Variants in SLC37A1 observed in about 807,000 individuals in gnomAD.
SLC37A1 encodes the protein solute carrier family 37 member 1.
In SLC37A1, 49 loss-of-function variants were observed where a neutral mutation model predicts 75.3. The ratio of observed to expected loss-of-function variants is 0.65; its 90% CI spans 0.52 to 0.83. The LOEUF (loss-of-function observed/expected upper bound fraction) is 0.83. SLC37A1 is among the 40% of genes least tolerant of loss of function. SLC37A1 has a pLI of 0.00. For missense variants in SLC37A1, 566 were observed against 695.0 expected (o/e 0.81, Z 2.09); for synonymous variants, 268 against 292.1 (o/e 0.92, Z 0.84).
At chr21:42,546,034 A>G (rs228079) in intron 8 of SLC37A1, among the ~76,000 whole-genome samples, 89,148 of 152,130 alleles carry the variant, frequency 0.59, 26,694 homozygotes, top group Admixed American at 0.7. Flanking sequence ...CCTGTGTTGT[A>G]TGGGAATGGA....
chr21:42,513,769 G>A (rs917680116), upstream of SLC37A1: 1 of 146,600 alleles, frequency 6.8e-6, no homozygotes, highest in Non-Finnish European at 1.5e-5. Context: ...GGCCGGGGAG[G>A]GGGAGGAGCC....
intron 4 of SLC37A1, among the ~76,000 whole-genome samples, 193 bp from the exon 5 acceptor site, chr21:42,535,279 A>G (rs933874513): frequency 1.3e-5 from 2 of 152,228 alleles, no homozygotes; most frequent in Non-Finnish European, 2.9e-5. Flanking sequence ...ATTATTTGAA[A>G]CTGCGGTGAC....
intron 1 of SLC37A1, among the ~76,000 whole-genome samples, chr21:42,500,826 T>A (rs914398916): frequency 2.0e-5 from 3 of 152,226 alleles, no homozygotes; most frequent in African/African-American, 7.2e-5. Flanking sequence ...AGTAGGTATT[T>A]GAACTGTTTG....
Position 42,547,944 on chromosome 21 carries a change from C to T in SLC37A1, c.768+804C>T, listed in dbSNP as rs1423176520. Among the ~76,000 whole-genome samples the T allele has an allele frequency of 6.6e-6, 1 of 152,152 alleles. No homozygotes were observed. Among genetic ancestry groups the T allele is most frequent in the Non-Finnish European group, 1.5e-5 (1 of 68,014 alleles). ...GGAACAGCCCATCAGATCCCAGCAACGTCACCCGGACACATAGGGTGGTCA... is the reference window on the plus strand; with the variant it reads ...GGAACAGCCCATCAGATCCCAGCAATGTCACCCGGACACATAGGGTGGTCA... On this transcript the variant is annotated intron_variant, in intron 9 of 19. Transcript: ENST00000352133. This position sits in a 1 kb window ranked among gnomAD's most constrained non-coding sequence, Gnocchi z 6.1.
At chr21:42,550,291 CA>C (rs2055525340) in intron 9 of SLC37A1, among the ~76,000 whole-genome samples, 1 of 152,204 alleles carries the variant, frequency 6.6e-6, no homozygotes, top group Non-Finnish European at 1.5e-5. Flanking sequence ...GCATTTCTGC[CA>C]CATTTACTGA....
At chr21:42,575,985 A>G (rs1358856897) in intron 18 of SLC37A1, 2 of 978,452 alleles carry the variant, frequency 2.0e-6, no homozygotes, top group Non-Finnish European at 2.4e-6. Context: ...CTTTAGAACT[A>G]TCTGGTAATA....
chr21:42,566,574 A>ACC (rs139911697), intron 15 of SLC37A1, among the ~76,000 whole-genome samples: 2 of 151,760 alleles, frequency 1.3e-5, no homozygotes, highest in African/African-American at 4.8e-5. Flanking sequence ...ATTTCCTGTG[A>ACC]CCCCCCCTCA....
chr21:42,539,706 G>T, intron 6 of SLC37A1, 59 bp downstream of exon 6: 1 of 1,546,000 alleles, frequency 6.5e-7, no homozygotes, highest in East Asian at 2.4e-5. Flanking sequence ...ATAGGGTGGA[G>T]TGTTTATGTC....
chr21:42,535,611 A>G (rs892299093), intron 5 of SLC37A1, 61 bp downstream of exon 5: 1 of 1,455,794 alleles, frequency 6.9e-7, no homozygotes, highest in Non-Finnish European at 9.6e-7. Context: ...TGCAGAGAAG[A>G]CATCCGCTAT....
intron 11 of SLC37A1, chr21:42,561,830 C>T: frequency 2.1e-6 from 1 of 467,820 alleles, no homozygotes; most frequent in Non-Finnish European, 3.8e-6. Context: ...CAGCTGGGGC[C>T]CCACCCTTCT....
intron 8 of SLC37A1, 84 bp downstream of exon 8, chr21:42,543,686 G>C: frequency 7.1e-7 from 1 of 1,401,956 alleles, no homozygotes. Flanking sequence ...GCGAGTGTGA[G>C]AGCTGCGTGG....
rs200383170 is a variant in SLC37A1 at position 42,579,813 on chromosome 21, C to G, written c.1586+13C>G. 7.4e-6 allele frequency: 12 copies of G among 1,613,752 alleles called. No individual in the cohort carries two copies. The Admixed American group carries it at 2.0e-4, about 27-fold the overall frequency. On this transcript the variant is annotated intron_variant, in intron 19 of 19. Transcript: ENST00000352133. ...GGGACCAAGTTCCGTAAGTCCCACT[C>G]GGGCCCTGTCTCCGTGCGTGAAAGC...
At chr21:42,551,799 G>GT (rs944915744) in intron 9 of SLC37A1, among the ~76,000 whole-genome samples, 15 of 148,092 alleles carry the variant, frequency 1.0e-4, no homozygotes, top group Non-Finnish European at 1.8e-4. Flanking sequence ...GACCTCAATG[G>GT]TTTTTTTTGT....
Position 42,579,869 on chromosome 21 carries a change from C to T in SLC37A1, c.1586+69C>T, listed in dbSNP as rs1288233773. 9.4e-6 allele frequency: 14 copies of T among 1,482,246 alleles called. No individual in the cohort carries two copies. The Middle Eastern group carries it at 5.2e-4, about 55-fold the overall frequency. 91.8% of individuals were successfully genotyped at this position (1,482,246 alleles called of 1,614,324 possible). ...CCAAAGTGCCTTCTGTCCTATCTGC[C>T]TTCTGCACCTGGCTTTCCTGAAAGA... is the stretch of plus-strand genomic sequence containing the variant. On this transcript the variant is annotated intron_variant, in intron 19 of 19. Coordinates refer to ENST00000352133, the MANE Select transcript of SLC37A1 (RefSeq NM_001320537.2).
chr21:42,543,991 CA>C (rs2055348521), intron 8 of SLC37A1, among the ~76,000 whole-genome samples: 1 of 152,216 alleles, frequency 6.6e-6, no homozygotes, highest in Admixed American at 6.5e-5. Flanking sequence ...ATATCTTGGA[CA>C]GTGTTATAAA....
intron 13 of SLC37A1, 144 bp downstream of exon 13, chr21:42,564,021 C>G (rs1377760807): frequency 4.8e-6 from 4 of 826,672 alleles, no homozygotes; most frequent in South Asian, 1.6e-5. Flanking sequence ...CAGGCCGTCA[C>G]CTGGGGGTGG....
In SLC37A1 at chr21:42,514,735, A is replaced by T. The variant is rs2054489523; in HGVS notation, c.-179+18A>T. 6.6e-6 allele frequency: 1 copy of T among 152,028 alleles called. No homozygotes were observed. Among genetic ancestry groups the T allele is most frequent in the Non-Finnish European group, 1.5e-5 (1 of 68,018 alleles). 9.4% of individuals were successfully genotyped at this position (152,028 alleles called of 1,614,324 possible). A position where few individuals can be genotyped will look rare whatever the true frequency, so the allele number is the denominator to read the frequency against. On this transcript the variant is annotated intron_variant, in intron 1 of 19. Transcript: ENST00000352133. The surrounding 1 kb of genome is among the most constrained non-coding windows in gnomAD (Gnocchi z 4.8). ...CCGAGAAGGTACGTTCAGTCTAAGGATTTGCATTTGAACGAAGGATACTGG... is the reference window on the plus strand; with the variant it reads ...CCGAGAAGGTACGTTCAGTCTAAGGTTTTGCATTTGAACGAAGGATACTGG...
intron 6 of SLC37A1, among the ~76,000 whole-genome samples, chr21:42,540,471 A>T (rs137998914): frequency 1.3e-5 from 2 of 152,274 alleles, no homozygotes; most frequent in East Asian, 3.9e-4. Context: ...GGGCGGAAGG[A>T]AGGGCCGACT....
intron 2 of SLC37A1, among the ~76,000 whole-genome samples, chr21:42,503,286 G>A (rs2054357138): frequency 7.6e-6 from 1 of 131,754 alleles, no homozygotes; most frequent in Non-Finnish European, 1.5e-5. Context: ...GTCTGGCTCT[G>A]TCATCCAGGC....
Sources: allele counts gnomAD v4.1 joint callset (sites outside exome capture counted in the v4.1 genomes callset), GRCh38; gene constraint gnomAD v4.1.1; non-coding constraint Gnocchi (gnomAD v3.1); transcripts MANE v1.5; gene names NCBI Gene and HGNC (gene_info 2026-07-23, HGNC 2026-07-21).